The following BECN1 variants were observed in gnomAD, a reference collection of about 807,000 sequenced individuals.
BECN1 encodes the protein beclin 1.
BECN1 carries 15 observed loss-of-function variants against 60.1 expected under a neutral mutation model. The ratio of observed to expected loss-of-function variants is 0.25; its 90% CI spans 0.17 to 0.38. The LOEUF is 0.38. Ranked by LOEUF, BECN1 falls within the 10% of genes least tolerant of loss-of-function variation. The pLI is 1.00. For synonymous variants in BECN1, 179 were observed against 201.8 expected (o/e 0.89, Z 0.96); for missense variants, 424 against 548.2 (o/e 0.77, Z 2.26).
rs757626703 is a variant in BECN1, at chr17:42,814,612, C to T, written c.892G>A (p.Val298Met). ...GCAGCATTAATCTCATTCCATTCCA[C>T]GGGAACACTGGGCAGGCGACCCAGC... ...FRLGRLPSVP[V>M]EWNEINAAWG... Residue 298 changes from valine (V) to methionine (M), a missense_variant, in exon 9 of 12, where the codon GTG becomes ATG. Around this residue, in one of 3 missense-constraint regions of BECN1, gnomAD observed 326 missense variants for 406.2 expected, o/e 0.80. Transcript: ENST00000590099. 29 of 1,614,042 alleles carry T rather than the reference C, an allele frequency of 1.8e-5. No homozygotes were observed. The highest frequency in any genetic ancestry group is 5.3e-5 in the African/African-American group (4 of 74,914).
At chr17:42,823,599 A>G in intron 2 of BECN1, 149 bp downstream of exon 2, 1 of 1,178,540 alleles carries the variant, frequency 8.5e-7, no homozygotes, top group African/African-American at 1.5e-5. Context: ...TTATGTTTCC[A>G]AGGAGAAAAC....
intron 8 of BECN1, chr17:42,815,696 C>G: frequency 1.6e-6 from 1 of 615,646 alleles, no homozygotes. Flanking sequence ...CTGAAGGGCT[C>G]AGGCCTTTTC....
chr17:42,812,319 G>C (rs2055032774), intron 10 of BECN1: 1 of 151,658 alleles, frequency 6.6e-6, no homozygotes, highest in African/African-American at 2.4e-5. Flanking sequence ...GGGAGGCGGA[G>C]GTTGCAGTAA....
chr17:42,821,566 CA>C (rs1317252782), intron 2 of BECN1, among the ~76,000 whole-genome samples: 4 of 152,082 alleles, frequency 2.6e-5, no homozygotes, highest in Admixed American at 2.6e-4. Flanking sequence ...ATCACAAAAG[CA>C]AACATCCTGT....
chr17:42,824,137 G>A lies in BECN1; in HGVS notation c.-3+18C>T. Reference sequence around the variant, plus strand: ...GACTCCCTTCTAAGGTCCCACCTCAGCCCCCGATGCTCTTCACCTCGGGAG... The same window carrying A: ...GACTCCCTTCTAAGGTCCCACCTCAACCCCCGATGCTCTTCACCTCGGGAG... On this transcript the variant is annotated intron_variant, in intron 1 of 11. Coordinates refer to ENST00000590099, the MANE Select transcript of BECN1 (RefSeq NM_001313998.2). The A allele has an allele frequency of 2.2e-6, 1 of 459,144 alleles. No individual in the cohort carries two copies. Among genetic ancestry groups the A allele is most frequent in the South Asian group, 4.5e-5 (1 of 22,156 alleles). The allele number at this position is 459,144 out of a possible 1,614,324, so 28.4% of individuals were successfully genotyped here.
intron 8 of BECN1, 124 bp from the exon 9 acceptor site, chr17:42,814,797 G>T: frequency 1.6e-6 from 2 of 1,256,984 alleles, no homozygotes; most frequent in Non-Finnish European, 2.2e-6. Flanking sequence ...AGCTGTACTT[G>T]GCACTTTAAA....
At chr17:42,814,866 A>C in intron 8 of BECN1, 193 bp from the exon 9 acceptor site, 1 of 680,254 alleles carries the variant, frequency 1.5e-6, no homozygotes, top group East Asian at 2.9e-5. Flanking sequence ...CCAAAGCAGA[A>C]ACCTGGGTGG....
chr17:42,811,087 T>G, intron 11 of BECN1, 159 bp from the exon 12 acceptor site: 1 of 680,312 alleles, frequency 1.5e-6, no homozygotes, highest in African/African-American at 1.8e-5. Flanking sequence ...AAGCCAAAAA[T>G]CAAGAAGACT....
chr17:42,818,209 G>T lies in BECN1; in HGVS notation c.683+12C>A. 6.2e-7 allele frequency: 1 copy of T among 1,613,096 alleles called. No homozygotes were observed. Among genetic ancestry groups the T allele is most frequent in the Non-Finnish European group, 8.5e-7 (1 of 1,179,404 alleles). On this transcript the variant is annotated intron_variant, in intron 7 of 11. Transcript: ENST00000590099. ...CTCGAGTGTGAGAAGATAGAACAGG[G>T]TGAGCACTCACTGAGCTTCCTCCTG... is the stretch of plus-strand genomic sequence containing the variant.
chr17:42,821,416 G>A (rs1180197466), intron 2 of BECN1, among the ~76,000 whole-genome samples: 1 of 152,184 alleles, frequency 6.6e-6, no homozygotes, highest in Non-Finnish European at 1.5e-5. Context: ...CAGTATTTAT[G>A]TTTGGGATTT....
chr17:42,811,832 C>A, intron 10 of BECN1, 35 bp from the exon 11 acceptor site: 2 of 1,597,822 alleles, frequency 1.3e-6, no homozygotes, highest in Non-Finnish European at 8.5e-7. Context: ...ATGGATCTGG[C>A]ACCAAGAAAG....
Position 42,811,680 on chromosome 17 carries a change from C to T in BECN1, c.1159G>A (p.Glu387Lys), listed in dbSNP as rs1302854122. 2.5e-6 allele frequency: 4 copies of T among 1,614,008 alleles called. No individual in the cohort carries two copies. Among genetic ancestry groups the T allele is most frequent in the African/African-American group, 1.3e-5 (1 of 74,920 alleles). Residue 387 changes from glutamate (E) to lysine (K), a missense_variant, in exon 11 of 12, where the codon GAG (glutamate) becomes AAG (lysine). Coordinates refer to ENST00000590099, the MANE Select transcript of BECN1 (RefSeq NM_001313998.2). ...QQFKEEVEKG[E>K]TRFCLPYRMD... ...CTGTAGGGAAGACAAAAACGTGTCT[C>T]GCCTTTCTCAACCTCTTCTTTGAAC...
chr17:42,816,810 A>G (rs1352801882), intron 7 of BECN1, among the ~76,000 whole-genome samples: 1 of 151,318 alleles, frequency 6.6e-6, no homozygotes, highest in Non-Finnish European at 1.5e-5. Flanking sequence ...GTCTCTACTA[A>G]AAAAATAAAA....
At position 42,821,721 on chromosome 17, in the gene BECN1, T is replaced by C. The variant is rs1480041633; in HGVS notation, c.131-880A>G. ...ATTCATACATTTCAAGTCATGACAA[T>C]TTACCTTTCTAAAAAGGTGTGAAAA... On this transcript the variant is annotated intron_variant, in intron 2 of 11. Transcript: ENST00000590099. Among the ~76,000 whole-genome samples the C allele has an allele frequency of 5.3e-5, 8 of 152,270 alleles. No individual in the cohort carries two copies. The East Asian group carries it at 1.5e-3, about 29-fold the overall frequency.
At chr17:42,818,182 G>A (rs191374248) in intron 7 of BECN1, 39 bp downstream of exon 7, 179 of 1,596,980 alleles carry the variant, frequency 1.1e-4, no homozygotes, top group Non-Finnish European at 1.5e-4. Context: ...CTCTCCTGGA[G>A]CCTCGAGTGT....
Position 42,815,876 on chromosome 17 carries a change from T to C in BECN1, c.830+32A>G. On this transcript the variant is annotated intron_variant, in intron 8 of 11. Coordinates refer to ENST00000590099, the MANE Select transcript of BECN1 (RefSeq NM_001313998.2). ...GGTCAACAGCTAAGGTCTAGATATG[T>C]GCAGTGCTCCTCATCCCCTAGCTCT... 3 of 1,614,030 alleles carry C rather than the reference T, an allele frequency of 1.9e-6. No homozygotes were observed. The South Asian group carries it at 3.3e-5, about 18-fold the overall frequency.
chr17:42,822,504 A>T (rs1471238499), intron 2 of BECN1, among the ~76,000 whole-genome samples: 4 of 152,192 alleles, frequency 2.6e-5, no homozygotes, highest in Non-Finnish European at 5.9e-5. Flanking sequence ...CTGCCTATTC[A>T]GTCTTCTCTT....
rs979013935 is a variant in BECN1, at chr17:42,814,540, C to T, written c.964G>A (p.Gly322Ser). The T allele has an allele frequency of 6.2e-7, 1 of 1,613,980 alleles. No homozygotes were observed. The highest frequency in any genetic ancestry group is 8.5e-7 in the Non-Finnish European group (1 of 1,180,016). ...LLLHALANKM[G>S]LKFQRYRLVP... ...ACTTCCTACCTCTGAAATTTCAGAC[C>T]CATCTTATTGGCCAGAGCATGGAGC... Residue 322 changes from glycine (G) to serine (S), a missense_variant, in exon 9 of 12, where the codon GGT becomes AGT. By Grantham distance (56) the Gly-to-Ser change is moderately conservative. Around this residue, in one of 3 missense-constraint regions of BECN1, gnomAD observed 326 missense variants for 406.2 expected, o/e 0.80. Transcript: ENST00000590099.
intron 2 of BECN1, among the ~76,000 whole-genome samples, chr17:42,821,116 G>A (rs1197329361): frequency 6.6e-6 from 1 of 152,160 alleles, no homozygotes; most frequent in African/African-American, 2.4e-5. Context: ...CTGGGGTGCA[G>A]TGGCACGATC....
Sources: allele counts gnomAD v4.1 joint callset (sites outside exome capture counted in the v4.1 genomes callset), GRCh38; gene constraint gnomAD v4.1.1; regional missense constraint gnomAD v4.1.1; transcripts MANE v1.5; gene names NCBI Gene and HGNC (gene_info 2026-07-23, HGNC 2026-07-21).